NRCAM: variants seen among roughly 807,000 people sequenced by gnomAD.
NRCAM encodes the protein NgCAM-related cell adhesion molecule.
In NRCAM, 83 loss-of-function variants were observed where a neutral mutation model predicts 156.5. That is an observed-to-expected ratio of 0.53 (90% CI 0.44 to 0.64). The LOEUF is 0.64. Among genes scored for constraint, NRCAM ranks in the 30% least tolerant of loss-of-function variants. The pLI is 0.00. For synonymous variants in NRCAM, 538 were observed against 563.9 expected, an observed-to-expected ratio of 0.95 and a Z score of 0.65; for missense variants, 1,417 against 1,597.3, an observed-to-expected ratio of 0.89 and a Z score of 1.92.
chr7:108,435,204 T>C (rs1178520108), intron 1 of NRCAM, among the ~76,000 whole-genome samples: 1 of 152,206 alleles, frequency 6.6e-6, no homozygotes, highest in African/African-American at 2.4e-5. Context: ...ATCTCAAATT[T>C]TTTTAAAGAA....
At chr7:108,224,184 A>G (rs1418111559) in intron 10 of NRCAM, among the ~76,000 whole-genome samples, 1 of 152,094 alleles carries the variant, frequency 6.6e-6, no homozygotes, top group Non-Finnish European at 1.5e-5. Context: ...ATCAAACTAC[A>G]TTTCCCTTAG....
chr7:108,174,461 G>A (rs1373500639), intron 28 of NRCAM, among the ~76,000 whole-genome samples: 3 of 152,138 alleles, frequency 2.0e-5, no homozygotes, highest in African/African-American at 7.2e-5. Flanking sequence ...CCTGACCATG[G>A]GCATGCCACG....
chr7:108,228,091 G>T (rs1204898794), intron 8 of NRCAM, among the ~76,000 whole-genome samples: 1 of 152,196 alleles, frequency 6.6e-6, no homozygotes, highest in Non-Finnish European at 1.5e-5. Context: ...GGAGGCCAAG[G>T]TGGGTGGATC....
chr7:108,429,880 G>A (rs1047279806), intron 1 of NRCAM, among the ~76,000 whole-genome samples: 1 of 152,214 alleles, frequency 6.6e-6, no homozygotes, highest in African/African-American at 2.4e-5. Context: ...TAAGTGGTGA[G>A]GAGGTGAAAT....
At chr7:108,207,694 A>C in intron 12 of NRCAM, 35 bp from the exon 13 acceptor site, 1 of 1,569,434 alleles carries the variant, frequency 6.4e-7, no homozygotes, top group Non-Finnish European at 8.6e-7. Context: ...CAAAAATCTG[A>C]ATCAAATAAG....
intron 25 of NRCAM, 51 bp from the exon 26 acceptor site, chr7:108,178,163 T>G: frequency 6.3e-7 from 1 of 1,579,566 alleles, no homozygotes; most frequent in South Asian, 1.1e-5. Context: ...TGTTTCAACA[T>G]GTATTAAATT....
intron 8 of NRCAM, among the ~76,000 whole-genome samples, chr7:108,229,344 C>T (rs2093974627): frequency 6.6e-6 from 1 of 152,176 alleles, no homozygotes; most frequent in Non-Finnish European, 1.5e-5. Context: ...CTCACTGCAG[C>T]CTTGAACTCC....
chr7:108,309,107 T>A (rs1460644563), intron 3 of NRCAM, among the ~76,000 whole-genome samples: 7 of 152,200 alleles, frequency 4.6e-5, no homozygotes, highest in Non-Finnish European at 8.8e-5. Flanking sequence ...CCAGGAATGC[T>A]GCATTTCAGT....
At chr7:108,176,096 G>A (rs533098644) in intron 27 of NRCAM, among the ~76,000 whole-genome samples, 12 of 152,212 alleles carry the variant, frequency 7.9e-5, no homozygotes, top group African/African-American at 2.9e-4. Flanking sequence ...GTGTACATAT[G>A]TATGTTTGTG....
At chr7:108,413,214 A>G (rs1268797429) in intron 1 of NRCAM, among the ~76,000 whole-genome samples, 1 of 152,174 alleles carries the variant, frequency 6.6e-6, no homozygotes, top group African/African-American at 2.4e-5. Flanking sequence ...CTTTTTGATA[A>G]TAGTCATTCT....
chr7:108,238,512 T>G (rs2153796576), intron 4 of NRCAM, among the ~76,000 whole-genome samples: 1 of 152,208 alleles, frequency 6.6e-6, no homozygotes, highest in South Asian at 2.1e-4. Flanking sequence ...AGCACCTGGG[T>G]TTTTCTGTGA....
At chr7:108,241,309 T>C (rs1037786016) in intron 3 of NRCAM, among the ~76,000 whole-genome samples, 4 of 152,154 alleles carry the variant, frequency 2.6e-5, no homozygotes, top group African/African-American at 7.2e-5. Flanking sequence ...GAAGTGTCCA[T>C]TGCAAAATGG....
intron 32 of NRCAM, chr7:108,159,208 T>G (rs1341672245): frequency 3.1e-6 from 2 of 653,434 alleles, no homozygotes; most frequent in Non-Finnish European, 5.7e-6. Context: ...TACAGCATGG[T>G]CCCATGGAAA....
intron 17 of NRCAM, 40 bp from the exon 18 acceptor site, chr7:108,191,893 G>A: frequency 6.3e-7 from 1 of 1,592,102 alleles, no homozygotes; most frequent in Non-Finnish European, 8.6e-7. Context: ...AAATGGACAT[G>A]CAGCCGTACC....
intron 1 of NRCAM, among the ~76,000 whole-genome samples, chr7:108,409,785 G>C (rs1793052219): frequency 6.6e-6 from 1 of 152,126 alleles, no homozygotes; most frequent in African/African-American, 2.4e-5. Flanking sequence ...TAGAAGCTGT[G>C]AACACAAGGT....
chr7:108,240,921 T>A (rs1033350056), intron 3 of NRCAM, among the ~76,000 whole-genome samples: 1 of 152,166 alleles, frequency 6.6e-6, no homozygotes, highest in Non-Finnish European at 1.5e-5. Context: ...TGATGATGCA[T>A]TTCTGTTTTT....
chr7:108,148,064 T>C lies in NRCAM; in HGVS notation c.*1846A>G, dbSNP rs1205247352. ...TAGGGCCATCTTTACCTGGGATTAC[T>C]TTAAATTATGCTTTACCTACATATA... On this transcript the variant is annotated 3_prime_UTR_variant, in exon 33 of 33. Coordinates refer to ENST00000379028, the MANE Select transcript of NRCAM (RefSeq NM_001037132.4). The C allele has an allele frequency of 1.3e-5, 2 of 152,674 alleles. No homozygotes were observed. Among genetic ancestry groups the C allele is most frequent in the Non-Finnish European group, 2.9e-5 (2 of 68,054 alleles). 9.5% of individuals were successfully genotyped at this position (152,674 alleles called of 1,614,324 possible). A position where few individuals can be genotyped will look rare whatever the true frequency, so the allele number is the denominator to read the frequency against.
intron 3 of NRCAM, among the ~76,000 whole-genome samples, chr7:108,248,218 T>C (rs1436330237): frequency 6.6e-6 from 1 of 152,144 alleles, no homozygotes; most frequent in African/African-American, 2.4e-5. Flanking sequence ...CTATACCTTA[T>C]CCACTTGTCA....
intron 2 of NRCAM, among the ~76,000 whole-genome samples, chr7:108,387,006 C>T (rs1240080136): frequency 1.3e-5 from 2 of 152,214 alleles, no homozygotes; most frequent in East Asian, 3.9e-4. Context: ...TGATATAAAT[C>T]TAACTATCTT....
Sources: gnomAD v4.1 joint callset for allele counts (sites outside exome capture counted in the v4.1 genomes callset) on GRCh38, gnomAD v4.1.1 for gene constraint, MANE v1.5 for transcripts, NCBI Gene and HGNC (gene_info 2026-07-23, HGNC 2026-07-21) for gene names.